CSNK1A1: variants seen among roughly 807,000 people sequenced by gnomAD.
CSNK1A1 encodes casein kinase 1 alpha 1, also known as casein kinase I isoform alpha.
CSNK1A1 carries 7 observed loss-of-function variants against 46.1 expected under a neutral mutation model. That is an observed-to-expected ratio of 0.15 (90% CI 0.09 to 0.29). The LOEUF (loss-of-function observed/expected upper bound fraction) is 0.29, where lower values mean the gene tolerates loss of function less well. CSNK1A1 is among the 10% of genes least tolerant of loss of function. The pLI is 1.00. For synonymous variants in CSNK1A1, 137 were observed against 141.5 expected (o/e 0.97, Z 0.23); for missense variants, 96 against 417.1 (o/e 0.23, Z 6.71).
At chr5:149,503,762 TAACAAAGA>T in intron 9 of CSNK1A1, 8 of 985,338 alleles carry the variant, frequency 8.1e-6, no homozygotes, top group Non-Finnish European at 9.6e-6. Flanking sequence ...CACAGTAAAC[TAACAAAGA>T]AACTAACTTA....
At chr5:149,544,056 A>G (rs956788566) in intron 2 of CSNK1A1, among the ~76,000 whole-genome samples, 4 of 152,222 alleles carry the variant, frequency 2.6e-5, no homozygotes, top group Non-Finnish European at 5.9e-5. Context: ...CCTTAGGATC[A>G]ATGAGGCCAG....
At chr5:149,524,743 A>G (rs546351627) in intron 3 of CSNK1A1, among the ~76,000 whole-genome samples, 1 of 152,292 alleles carries the variant, frequency 6.6e-6, no homozygotes, top group African/African-American at 2.4e-5. Context: ...AATTATATGC[A>G]TACATACACT....
chr5:149,515,488 T>G (rs1187293031), intron 4 of CSNK1A1, among the ~76,000 whole-genome samples: 1 of 152,168 alleles, frequency 6.6e-6, no homozygotes, highest in Non-Finnish European at 1.5e-5. Context: ...CTTAAACATC[T>G]CAATCTAAAA....
intron 2 of CSNK1A1, among the ~76,000 whole-genome samples, chr5:149,526,133 A>G (rs1301705021): frequency 1.3e-5 from 2 of 151,806 alleles, no homozygotes; most frequent in Admixed American, 6.6e-5. Flanking sequence ...TTATTTATCT[A>G]TTTATTTATT....
Position 149,496,878 on chromosome 5 carries a change from CAAAA to C in CSNK1A1, c.1007-22_1007-19del. On this transcript the variant is annotated intron_variant, in intron 9 of 9. Coordinates refer to ENST00000377843, the MANE Select transcript of CSNK1A1 (RefSeq NM_001892.6). ...TTAGAAACCTGGTAAAAAATCAAAA[CAAAA>C]AAAAAGTTAAAATTCCAAGTCAAAA... The C allele has an allele frequency of 1.3e-6, 2 of 1,526,314 alleles. No homozygotes were observed. Among genetic ancestry groups the C allele is most frequent in the Non-Finnish European group, 1.8e-6 (2 of 1,139,618 alleles). The allele number at this position is 1,526,314 out of a possible 1,614,324, so 94.5% of individuals were successfully genotyped here.
At chr5:149,545,882 C>A in intron 2 of CSNK1A1, 1 of 305,768 alleles carries the variant, frequency 3.3e-6, no homozygotes, top group South Asian at 3.9e-5. Flanking sequence ...GGATGCCATT[C>A]TCTTATCCTT....
intron 2 of CSNK1A1, chr5:149,545,360 C>T (rs1218476840): frequency 2.4e-6 from 1 of 422,136 alleles, no homozygotes; most frequent in African/African-American, 2.0e-5. Flanking sequence ...TCCTTCTGTC[C>T]TCACGTTGGC....
At chr5:149,502,154 T>C (rs776893409) in intron 9 of CSNK1A1, 61 of 960,920 alleles carry the variant, frequency 6.3e-5, no homozygotes, top group Non-Finnish European at 7.3e-5. Context: ...AACAACACCA[T>C]TTTTACTGAA....
intron 2 of CSNK1A1, among the ~76,000 whole-genome samples, chr5:149,542,622 A>ACATGTATG (rs1762294077): frequency 1.5e-4 from 2 of 13,790 alleles, no homozygotes; most frequent in East Asian, 9.3e-3. Flanking sequence ...ATATATATAT[A>ACATGTATG]TATATATATA....
intron 8 of CSNK1A1, among the ~76,000 whole-genome samples, chr5:149,506,642 A>G (rs1456928323): frequency 6.6e-6 from 1 of 152,010 alleles, no homozygotes; most frequent in Non-Finnish European, 1.5e-5. Context: ...AAGGAACCCT[A>G]CCCTAGTTTA....
At chr5:149,545,629 C>A in intron 2 of CSNK1A1, 2 of 879,250 alleles carry the variant, frequency 2.3e-6, no homozygotes, top group Non-Finnish European at 3.7e-6. Context: ...TACGAGGGCC[C>A]TGCTAGCCTC....
chr5:149,513,808 G>A (rs552828571), intron 4 of CSNK1A1, among the ~76,000 whole-genome samples: 1 of 151,970 alleles, frequency 6.6e-6, no homozygotes, highest in Non-Finnish European at 1.5e-5. Context: ...GCTGAGGCAG[G>A]AGAATCGCTT....
intron 9 of CSNK1A1, chr5:149,500,978 T>C (rs1372245306): frequency 1.0e-6 from 1 of 985,312 alleles, no homozygotes. Flanking sequence ...GAATTCATTC[T>C]GCTACACATT....
intron 2 of CSNK1A1, chr5:149,545,712 G>A: frequency 1.4e-6 from 1 of 693,412 alleles, no homozygotes; most frequent in Non-Finnish European, 2.5e-6. Flanking sequence ...TCTTGGCAAA[G>A]TGCATGTTCC....
chr5:149,524,998 T>A, intron 3 of CSNK1A1, 47 bp downstream of exon 3: 2 of 1,516,320 alleles, frequency 1.3e-6, no homozygotes, highest in Non-Finnish European at 1.8e-6. Flanking sequence ...GAAATTCCAG[T>A]CAACAGTACT....
chr5:149,507,278 G>A, intron 7 of CSNK1A1, 145 bp from the exon 8 acceptor site: 3 of 599,208 alleles, frequency 5.0e-6, no homozygotes, highest in East Asian at 2.9e-5. Context: ...ATGATGGCTT[G>A]GTCTCCTCAT....
chr5:149,547,146 A>G (rs1762508387), intron 2 of CSNK1A1, among the ~76,000 whole-genome samples: 1 of 152,114 alleles, frequency 6.6e-6, no homozygotes, highest in Admixed American at 6.6e-5. Context: ...AAACCAGTTC[A>G]CCAAGCTTTC....
chr5:149,551,290 G>A lies in CSNK1A1; in HGVS notation c.-326C>T. The A allele has an allele frequency of 3.7e-6, 1 of 269,486 alleles. No homozygotes were observed. The highest frequency in any genetic ancestry group is 1.3e-3 in the Middle Eastern group (1 of 800). The allele number at this position is 269,486 out of a possible 1,614,324, so 16.7% of individuals were successfully genotyped here. ...AAAAGGGGCGCGGTGAGCTAGGGCG[G>A]CGATACCGCTGCCACCACTGCCGCC... On this transcript the variant is annotated 5_prime_UTR_variant, in exon 1 of 10. Coordinates refer to ENST00000377843, the MANE Select transcript of CSNK1A1 (RefSeq NM_001892.6).
At chr5:149,538,324 C>A (rs1181238155) in intron 2 of CSNK1A1, among the ~76,000 whole-genome samples, 1 of 151,918 alleles carries the variant, frequency 6.6e-6, no homozygotes, top group Non-Finnish European at 1.5e-5. Flanking sequence ...GCCCGGCTGT[C>A]CAGTTTCTTA....
Sources: allele counts gnomAD v4.1 joint callset (sites outside exome capture counted in the v4.1 genomes callset), GRCh38; gene constraint gnomAD v4.1.1; transcripts MANE v1.5; gene names NCBI Gene and HGNC (gene_info 2026-07-23, HGNC 2026-07-21).